Variants in TTLL5 observed in about 807,000 individuals in gnomAD.
TTLL5 encodes the protein tubulin polyglutamylase TTLL5.
Under a neutral mutation model 168.4 loss-of-function variants are expected in TTLL5, and 132 were observed. The observed-to-expected ratio is 0.78, with a 90% CI of 0.68 to 0.91. TTLL5 has a LOEUF of 0.91. Ranked by LOEUF, TTLL5 falls within the 40% of genes least tolerant of loss-of-function variation. TTLL5 has a pLI of 0.00. For synonymous variants in TTLL5, 546 were observed against 558.6 expected, an observed-to-expected ratio of 0.98 and a Z score of 0.32; for missense variants, 1,545 against 1,581.5, an observed-to-expected ratio of 0.98 and a Z score of 0.39.
intron 14 of TTLL5, among the ~76,000 whole-genome samples, chr14:75,734,485 A>T (rs1433996879): frequency 6.6e-6 from 1 of 152,238 alleles, no homozygotes; most frequent in African/African-American, 2.4e-5. Context: ...TAGATAAGCC[A>T]AAACTTTGAA....
intron 29 of TTLL5, among the ~76,000 whole-genome samples, chr14:75,878,560 A>C (rs2031627521): frequency 6.6e-6 from 1 of 152,200 alleles, no homozygotes; most frequent in Admixed American, 6.5e-5. Flanking sequence ...AACATATGGC[A>C]TGTGTTATCC....
chr14:75,817,775 G>A (rs971928419), intron 27 of TTLL5, among the ~76,000 whole-genome samples: 9 of 149,710 alleles, frequency 6.0e-5, no homozygotes, highest in Admixed American at 2.0e-4. Context: ...CAACAGTCCC[G>A]GTGCATCTTA....
At chr14:75,875,623 A>G (rs774289137) in intron 29 of TTLL5, among the ~76,000 whole-genome samples, 2 of 152,212 alleles carry the variant, frequency 1.3e-5, no homozygotes, top group African/African-American at 4.8e-5. Flanking sequence ...CAGTGTGTCA[A>G]TTTATAGCAT....
At chr14:75,818,047 C>T (rs1894567942) in intron 27 of TTLL5, among the ~76,000 whole-genome samples, 1 of 151,556 alleles carries the variant, frequency 6.6e-6, no homozygotes, top group Non-Finnish European at 1.5e-5. Context: ...ACCATGTTAG[C>T]CAGGATGATC....
At chr14:75,951,866 T>C (rs2034972073) in intron 31 of TTLL5, among the ~76,000 whole-genome samples, 1 of 152,180 alleles carries the variant, frequency 6.6e-6, no homozygotes, top group African/African-American at 2.4e-5. Flanking sequence ...AAAGAACTTC[T>C]AAAATTCAAT....
At chr14:75,911,484 C>T (rs1190532588) in intron 31 of TTLL5, among the ~76,000 whole-genome samples, 1 of 152,148 alleles carries the variant, frequency 6.6e-6, no homozygotes, top group Non-Finnish European at 1.5e-5. Context: ...GAAGAAAAAG[C>T]AGCTGCTTAG....
At position 75,863,714 on chromosome 14, in the gene TTLL5, A is replaced by C; in HGVS notation, c.3374A>C (p.Asn1125Thr). The C allele has an allele frequency of 1.2e-6, 2 of 1,612,252 alleles. No individual in the cohort carries two copies. The highest frequency in any genetic ancestry group is 1.7e-6 in the Non-Finnish European group (2 of 1,178,720). Residue 1125 changes from asparagine (N) to threonine (T), a missense_variant, in exon 29 of 32, where the codon AAC becomes ACC. Asn to Thr is a moderately conservative substitution (Grantham distance 65). Coordinates refer to ENST00000298832, the MANE Select transcript of TTLL5 (RefSeq NM_015072.5). ...GFAWEGEVEN[N>T]VYSQATGVVP... The stretch of plus-strand genomic sequence containing the variant: ...GCCTGGGAAGGAGAAGTAGAAAACA[A>C]CGTGTACAGCCAGGCTACAGGGGTG...
Position 75,881,414 on chromosome 14 carries a change from G to C in TTLL5, c.3523-1271G>C, listed in dbSNP as rs535356101. 5.9e-5 allele frequency among the ~76,000 whole-genome samples: 9 copies of C among 152,230 alleles called. No homozygotes were observed. In the East Asian group the frequency reaches 1.2e-3, roughly 20 times the overall value. On this transcript the variant is annotated intron_variant, in intron 29 of 31. Transcript: ENST00000298832. Reference sequence around the variant, plus strand: ...ACATTTACTCCACACAAGACCCCTGGATCCCCCTCTCATATCTGCTTAGCC... The same window carrying C: ...ACATTTACTCCACACAAGACCCCTGCATCCCCCTCTCATATCTGCTTAGCC...
intron 27 of TTLL5, among the ~76,000 whole-genome samples, chr14:75,795,671 T>C (rs193070629): frequency 1.1e-3 from 173 of 152,314 alleles, no homozygotes; most frequent in Non-Finnish European, 2.1e-3. Context: ...TGAGAACATA[T>C]GATGTCTGGT....
At position 75,897,884 on chromosome 14, in the gene TTLL5, C is replaced by T. The variant is rs193250760; in HGVS notation, c.3741-4258C>T. Among the ~76,000 whole-genome samples the T allele has an allele frequency of 1.1e-4, 17 of 152,332 alleles. No homozygotes were observed. In the East Asian group the frequency reaches 3.1e-3, roughly 28 times the overall value. On this transcript the variant is annotated intron_variant, in intron 30 of 31. Transcript: ENST00000298832. ...TCTTACTCTCAACCTTTCACTACAT[C>T]AAGCAGCTTTCCATCTCCTAGACAG...
intron 29 of TTLL5, among the ~76,000 whole-genome samples, chr14:75,874,694 T>A (rs2031316735): frequency 6.6e-6 from 1 of 152,204 alleles, no homozygotes; most frequent in Non-Finnish European, 1.5e-5. Flanking sequence ...TATTCTACTT[T>A]GAGGAAATTA....
intron 26 of TTLL5, among the ~76,000 whole-genome samples, chr14:75,787,112 A>G (rs1055651690): frequency 6.6e-6 from 1 of 152,148 alleles, no homozygotes; most frequent in Non-Finnish European, 1.5e-5. Context: ...CAGCCTGGGC[A>G]CAGAGCAAGA....
intron 9 of TTLL5, chr14:75,712,057 C>G (rs569960445): frequency 1.3e-5 from 2 of 152,386 alleles, no homozygotes; most frequent in Admixed American, 1.3e-4. Flanking sequence ...ATTTCTGGCT[C>G]TAAAGACAAG....
intron 30 of TTLL5, among the ~76,000 whole-genome samples, chr14:75,900,190 CGA>C (rs1566651926): frequency 1.4e-4 from 22 of 152,102 alleles, no homozygotes; most frequent in African/African-American, 4.1e-4. Flanking sequence ...TGAGGATTTC[CGA>C]TGTGGCTGTC....
intron 29 of TTLL5, among the ~76,000 whole-genome samples, chr14:75,875,766 A>G (rs1320588673): frequency 2.6e-5 from 4 of 152,204 alleles, no homozygotes; most frequent in African/African-American, 7.2e-5. Flanking sequence ...GCTCCAAAAC[A>G]TCAGGTGTCA....
chr14:75,766,091 A>G lies in TTLL5; in HGVS notation c.1738A>G (p.Lys580Glu). 6.2e-7 allele frequency: 1 copy of G among 1,613,134 alleles called. No individual in the cohort carries two copies. Among genetic ancestry groups the G allele is most frequent in the Non-Finnish European group, 8.5e-7 (1 of 1,179,692 alleles). Residue 580 changes from lysine to glutamate, a missense_variant, in exon 20 of 32, where the codon AAA becomes GAA. Physicochemically the swap from Lys to Glu is moderately conservative, Grantham distance 56. Coordinates refer to ENST00000298832, the MANE Select transcript of TTLL5 (RefSeq NM_015072.5). ...TACCCAACCAGCTGAAATGAATGTT[A>G]AAACTGAGACAGAGAGTGAAGAGGA... ...VITQPAEMNV[K>E]TETESEEEEE... is the part of the protein sequence containing the mutation.
At chr14:75,728,223 G>A (rs1486634764) in intron 12 of TTLL5, among the ~76,000 whole-genome samples, 1 of 152,064 alleles carries the variant, frequency 6.6e-6, no homozygotes, top group Non-Finnish European at 1.5e-5. Context: ...AGGCATGGTG[G>A]CAGGTGCCTG....
chr14:75,812,111 T>C (rs752376081), intron 27 of TTLL5, among the ~76,000 whole-genome samples: 5 of 152,096 alleles, frequency 3.3e-5, no homozygotes, highest in Non-Finnish European at 7.4e-5. Flanking sequence ...TAAACAGTGA[T>C]TTGGTACTAA....
chr14:75,901,527 A>G (rs2032921956), intron 30 of TTLL5, among the ~76,000 whole-genome samples: 1 of 152,208 alleles, frequency 6.6e-6, no homozygotes, highest in Non-Finnish European at 1.5e-5. Flanking sequence ...TATTGACACC[A>G]TGGAGTAGAT....
Sources: allele counts gnomAD v4.1 joint callset (sites outside exome capture counted in the v4.1 genomes callset), GRCh38; gene constraint gnomAD v4.1.1; transcripts MANE v1.5; gene names NCBI Gene and HGNC (gene_info 2026-07-23, HGNC 2026-07-21).